The following STXBP4 variants were observed in gnomAD, a reference collection of about 807,000 sequenced individuals.
STXBP4 encodes syntaxin-binding protein 4.
In STXBP4, 55 loss-of-function variants were observed where a neutral mutation model predicts 76.1. That is an observed-to-expected ratio of 0.72 (90% confidence interval 0.58 to 0.91). The LOEUF (loss-of-function observed/expected upper bound fraction) is 0.91. Among genes scored for constraint, STXBP4 ranks in the 40% least tolerant of loss-of-function variants. The probability of loss-of-function intolerance (pLI) is 0.00; values close to 1 mark genes in which losing one functional copy is unlikely to be tolerated. For synonymous variants in STXBP4, 201 were observed against 220.2 expected, an observed-to-expected ratio of 0.91 and a Z score of 0.77; for missense variants, 618 against 636.9, an observed-to-expected ratio of 0.97 and a Z score of 0.32.
chr17:55,017,726 G>A (rs1392128340), intron 8 of STXBP4, among the ~76,000 whole-genome samples: 1 of 152,110 alleles, frequency 6.6e-6, no homozygotes, highest in Non-Finnish European at 1.5e-5. Context: ...ACTCTAGTCG[G>A]CCCTTGGCTT....
intron 8 of STXBP4, among the ~76,000 whole-genome samples, chr17:55,010,362 A>G (rs1044428626): frequency 2.6e-5 from 4 of 152,100 alleles, no homozygotes; most frequent in South Asian, 2.1e-4. Context: ...AGAGAAATTT[A>G]TAACACTGAA....
intron 10 of STXBP4, among the ~76,000 whole-genome samples, chr17:55,040,927 A>G (rs980938108): frequency 6.6e-5 from 10 of 152,202 alleles, no homozygotes; most frequent in African/African-American, 1.9e-4. Context: ...GAATGGAACT[A>G]TACAAAAAAG....
At chr17:55,048,515 C>T (rs2078819957) in intron 12 of STXBP4, among the ~76,000 whole-genome samples, 2 of 151,712 alleles carry the variant, frequency 1.3e-5, no homozygotes, top group South Asian at 2.1e-4. Context: ...AAAAATGTAA[C>T]GTCACACTCC....
chr17:55,051,527 A>G (rs11079152), intron 12 of STXBP4, among the ~76,000 whole-genome samples: 3,189 of 152,254 alleles, frequency 0.021, 86 homozygotes, highest in East Asian at 0.15. Context: ...GGTCTGAGCA[A>G]ATGTGTTCAT....
intron 12 of STXBP4, among the ~76,000 whole-genome samples, chr17:55,052,362 T>C (rs1399737677): frequency 6.6e-6 from 1 of 152,166 alleles, no homozygotes; most frequent in African/African-American, 2.4e-5. Context: ...AGTACAGTAA[T>C]GTATTGCAGA....
intron 7 of STXBP4, among the ~76,000 whole-genome samples, chr17:55,003,363 A>G (rs907524403): frequency 6.6e-6 from 1 of 152,228 alleles, no homozygotes; most frequent in African/African-American, 2.4e-5. Context: ...TTAAAATACA[A>G]TTAAGACGGA....
At chr17:55,101,680 A>G (rs184803413) in intron 16 of STXBP4, among the ~76,000 whole-genome samples, 18 of 152,236 alleles carry the variant, frequency 1.2e-4, no homozygotes, top group African/African-American at 4.1e-4. Context: ...AAAAGCATAC[A>G]TGATATTTAT....
chr17:55,118,479 T>A (rs2079807747), intron 16 of STXBP4, among the ~76,000 whole-genome samples: 1 of 151,904 alleles, frequency 6.6e-6, no homozygotes, highest in Non-Finnish European at 1.5e-5. Flanking sequence ...TTGGAAAAAA[T>A]TAAGTATAAG....
chr17:55,171,181 C>T lies in STXBP4; in HGVS notation c.*11270C>T, dbSNP rs1350277210. On this transcript the variant is annotated 3_prime_UTR_variant, in exon 18 of 18. Transcript: ENST00000376352. ...GACTTAGAGCCATGTCTAAAGTGTC[C>T]TTCTTTTGGATATAGTGCCTGGTGC... 2.6e-5 allele frequency: 4 copies of T among 152,164 alleles called. No individual in the cohort carries two copies. Among genetic ancestry groups the T allele is most frequent in the African/African-American group, 9.7e-5 (4 of 41,436 alleles). The allele number at this position is 152,164 out of a possible 1,614,324, so 9.4% of individuals were successfully genotyped here. A position where few individuals can be genotyped will look rare whatever the true frequency, so the allele number is the denominator to read the frequency against.
intron 12 of STXBP4, among the ~76,000 whole-genome samples, chr17:55,052,703 TTGCTAAATG>T (rs2078873556): frequency 6.6e-6 from 1 of 152,016 alleles, no homozygotes. Flanking sequence ...TGACTAAATG[TTGCTAAATG>T]TGCTAAATGT....
At chr17:55,139,207 A>G (rs2080068236) in intron 16 of STXBP4, among the ~76,000 whole-genome samples, 1 of 152,134 alleles carries the variant, frequency 6.6e-6, no homozygotes, top group African/African-American at 2.4e-5. Flanking sequence ...CAGAAATTCT[A>G]TTCTGATGGC....
At chr17:55,054,689 T>C (rs899081796) in intron 12 of STXBP4, among the ~76,000 whole-genome samples, 6 of 152,130 alleles carry the variant, frequency 3.9e-5, no homozygotes, top group African/African-American at 1.4e-4. Context: ...ACAATAACAT[T>C]AGAGGTATTA....
chr17:55,149,094 C>G (rs1472334547), intron 17 of STXBP4, among the ~76,000 whole-genome samples: 1 of 152,174 alleles, frequency 6.6e-6, no homozygotes, highest in Non-Finnish European at 1.5e-5. Flanking sequence ...AAGAAACCAA[C>G]AGAGGACTTA....
chr17:55,019,022 A>C (rs982239395), intron 8 of STXBP4, among the ~76,000 whole-genome samples: 9 of 152,206 alleles, frequency 5.9e-5, no homozygotes, highest in African/African-American at 2.2e-4. Context: ...GGCTCATAGT[A>C]TATGCTGAAA....
intron 8 of STXBP4, among the ~76,000 whole-genome samples, chr17:55,013,905 A>G (rs2541243): frequency 0.79 from 120,176 of 151,978 alleles, 48,156 homozygotes; most frequent in African/African-American, 0.91. Flanking sequence ...GCAGAAAAAG[A>G]CATCCTTAAG....
chr17:55,114,844 A>G (rs2079762396), intron 16 of STXBP4, among the ~76,000 whole-genome samples: 1 of 151,896 alleles, frequency 6.6e-6, no homozygotes, highest in Non-Finnish European at 1.5e-5. Context: ...GGGTATGACA[A>G]TCACAGTTCT....
chr17:55,137,303 CCTT>C (rs967410404), intron 16 of STXBP4, among the ~76,000 whole-genome samples: 4 of 134,304 alleles, frequency 3.0e-5, no homozygotes, highest in African/African-American at 1.1e-4. Context: ...CTCCCTCTGT[CCTT>C]CTGCTCTGCT....
At chr17:55,117,491 C>G (rs2079794740) in intron 16 of STXBP4, among the ~76,000 whole-genome samples, 1 of 151,600 alleles carries the variant, frequency 6.6e-6, no homozygotes, top group Non-Finnish European at 1.5e-5. Context: ...ATACACATCA[C>G]ATGATCAAGG....
chr17:55,212,366 A>C, the STXBP4 span, among the ~76,000 whole-genome samples: 1 of 152,240 alleles, frequency 6.6e-6, no homozygotes. Flanking sequence ...GAATGAATCC[A>C]TCTATATTCC....
Sources: allele counts gnomAD v4.1 joint callset (sites outside exome capture counted in the v4.1 genomes callset), GRCh38; gene constraint gnomAD v4.1.1; transcripts MANE v1.5; gene names NCBI Gene and HGNC (gene_info 2026-07-23, HGNC 2026-07-21).